Variants in RBMS3 observed in about 807,000 individuals in gnomAD.
The protein encoded by RBMS3 is RNA binding motif single stranded interacting protein 3, also known as RNA-binding motif, single-stranded-interacting protein 3.
RBMS3 carries 27 observed loss-of-function variants against 66.8 expected under a neutral mutation model. The ratio of observed to expected loss-of-function variants is 0.40; its 90% CI spans 0.30 to 0.56. RBMS3 has a LOEUF of 0.56. Among genes scored for constraint, RBMS3 ranks in the 20% least tolerant of loss-of-function variants. The pLI, the probability that RBMS3 is intolerant of heterozygous loss-of-function variation, is 0.40. For synonymous variants in RBMS3, 188 were observed against 183.0 expected (o/e 1.03, Z -0.22); for missense variants, 513 against 549.5 (o/e 0.93, Z 0.66).
chr3:29,607,252 T>C (rs1043487164), intron 4 of RBMS3, among the ~76,000 whole-genome samples: 4 of 152,104 alleles, frequency 2.6e-5, no homozygotes, highest in Middle Eastern at 3.4e-3. Context: ...CTTAGTCCCA[T>C]TGGGCTGTTA....
intron 4 of RBMS3, among the ~76,000 whole-genome samples, chr3:29,610,520 A>G (rs1190298480): frequency 2.0e-5 from 3 of 151,934 alleles, no homozygotes; most frequent in Non-Finnish European, 4.4e-5. Flanking sequence ...GCCTTCCTTG[A>G]TCCTTTCTAG....
intron 11 of RBMS3, among the ~76,000 whole-genome samples, chr3:29,943,916 A>G (rs2149703740): frequency 6.6e-6 from 1 of 151,812 alleles, no homozygotes; most frequent in East Asian, 2.0e-4. Context: ...AAAATTTTAT[A>G]TTGATTCCCT....
At chr3:29,358,741 C>T (rs1051595176) in intron 1 of RBMS3, among the ~76,000 whole-genome samples, 3 of 152,094 alleles carry the variant, frequency 2.0e-5, no homozygotes, top group African/African-American at 4.8e-5. Flanking sequence ...GTTTGTAGTT[C>T]TCCTTGAAGA....
At position 29,556,648 on chromosome 3, in the gene RBMS3, G is replaced by T. The variant is rs190167096; in HGVS notation, c.308-30466G>T. Among the ~76,000 whole-genome samples the T allele has an allele frequency of 1.5e-3, 230 of 152,138 alleles. 1 individual carries two copies. The highest frequency in any genetic ancestry group is 5.3e-3 in the African/African-American group (219 of 41,520). ...ATGAATGAACAAGGTATTTAGAGAA[G>T]ATACTCTCAGTGCTCTGCACAGATC... On this transcript the variant is annotated intron_variant, in intron 3 of 14. Transcript: ENST00000383767.
chr3:29,427,744 TG>T (rs1250320411), intron 1 of RBMS3, among the ~76,000 whole-genome samples: 1 of 151,974 alleles, frequency 6.6e-6, no homozygotes, highest in African/African-American at 2.4e-5. Context: ...AAAAACAAAC[TG>T]GGGAGACCAT....
chr3:29,362,358 C>T (rs372594068), intron 1 of RBMS3, among the ~76,000 whole-genome samples: 12 of 152,220 alleles, frequency 7.9e-5, no homozygotes, highest in African/African-American at 2.9e-4. Context: ...AGCTGCAGAA[C>T]AGCGAATATT....
intron 6 of RBMS3, among the ~76,000 whole-genome samples, chr3:29,829,864 A>C (rs979208094): frequency 5.3e-5 from 8 of 152,150 alleles, no homozygotes; most frequent in Non-Finnish European, 1.0e-4. Flanking sequence ...TTTACACTGC[A>C]TTGCAGTCCC....
chr3:29,371,313 A>G (rs1415720733), intron 1 of RBMS3, among the ~76,000 whole-genome samples: 2 of 152,238 alleles, frequency 1.3e-5, no homozygotes, highest in African/African-American at 4.8e-5. Flanking sequence ...CATCTTTGAA[A>G]CAGAAACAGA....
At chr3:29,435,203 T>G (rs1282946616) in intron 2 of RBMS3, among the ~76,000 whole-genome samples, 1 of 152,188 alleles carries the variant, frequency 6.6e-6, no homozygotes, top group East Asian at 1.9e-4. Context: ...AGTTACACTC[T>G]CAAACCATGT....
At chr3:29,441,915 T>G (rs941711666) in intron 2 of RBMS3, among the ~76,000 whole-genome samples, 7 of 152,198 alleles carry the variant, frequency 4.6e-5, no homozygotes, top group African/African-American at 1.7e-4. Context: ...GTGCTTTCAA[T>G]TATCCAGAAG....
At chr3:29,671,265 C>T (rs949640438) in intron 4 of RBMS3, among the ~76,000 whole-genome samples, 2 of 152,274 alleles carry the variant, frequency 1.3e-5, no homozygotes, top group South Asian at 2.1e-4. Context: ...ACACCAAAAC[C>T]CCACCTGTGG....
chr3:29,388,111 A>G (rs75481674), intron 1 of RBMS3, among the ~76,000 whole-genome samples: 11,326 of 140,064 alleles, frequency 0.081, 681 homozygotes, highest in Admixed American at 0.2. Context: ...ACACACACAC[A>G]TGTGTGTGTA....
rs180962306 is a variant in RBMS3, at chr3:29,512,443, A to G, written c.307+23944A>G. Among the ~76,000 whole-genome samples, 400 of 152,310 alleles carry G rather than the reference A, an allele frequency of 2.6e-3. 3 individuals carry two copies. The highest frequency in any genetic ancestry group is 4.9e-3 in the Non-Finnish European group (336 of 68,022). Reference sequence around the variant, plus strand: ...TGCATTAATCCTTCTTTAATTTAATAATTAAGATTTATAAGTATTCACAAA... The same window carrying G: ...TGCATTAATCCTTCTTTAATTTAATGATTAAGATTTATAAGTATTCACAAA... On this transcript the variant is annotated intron_variant, in intron 3 of 14. Transcript: ENST00000383767.
chr3:29,684,124 G>T (rs2051613235), intron 4 of RBMS3, among the ~76,000 whole-genome samples: 1 of 152,052 alleles, frequency 6.6e-6, no homozygotes, highest in African/African-American at 2.4e-5. Flanking sequence ...GCATTACAAA[G>T]AATTTTCTCA....
intron 5 of RBMS3, among the ~76,000 whole-genome samples, chr3:29,747,626 C>T (rs1029920027): frequency 3.9e-5 from 6 of 152,086 alleles, no homozygotes; most frequent in African/African-American, 1.4e-4. Flanking sequence ...AATCTGGGTT[C>T]TTTTCTCATG....
chr3:29,735,709 A>G (rs1034869892), intron 4 of RBMS3, among the ~76,000 whole-genome samples: 2 of 152,200 alleles, frequency 1.3e-5, no homozygotes, highest in Non-Finnish European at 2.9e-5. Flanking sequence ...TCTCTATAAT[A>G]TTCTTTTGAA....
intron 1 of RBMS3, among the ~76,000 whole-genome samples, chr3:29,291,328 A>C (rs1459285684): frequency 6.6e-6 from 1 of 151,926 alleles, no homozygotes; most frequent in Middle Eastern, 3.2e-3. Flanking sequence ...GTATTTTAGT[A>C]ATCCCAAATT....
chr3:29,549,711 T>G (rs142027183), intron 3 of RBMS3, among the ~76,000 whole-genome samples: 3 of 152,174 alleles, frequency 2.0e-5, no homozygotes, highest in Non-Finnish European at 4.4e-5. Flanking sequence ...TTTAAAAACA[T>G]TAACCAGAAA....
chr3:30,008,294 T>C lies in RBMS3; in HGVS notation c.*4432T>C, dbSNP rs1699857563. On this transcript the variant is annotated 3_prime_UTR_variant, in exon 15 of 15. Transcript: ENST00000383767. ...AATACATTTGGCAATTCATTTTCATTCTTAATTTGAGTGCATGAACCACTG... is the reference window on the plus strand; with the variant it reads ...AATACATTTGGCAATTCATTTTCATCCTTAATTTGAGTGCATGAACCACTG... The C allele has an allele frequency of 6.6e-6, 1 of 151,834 alleles. No individual in the cohort carries two copies. Among genetic ancestry groups the C allele is most frequent in the Non-Finnish European group, 1.5e-5 (1 of 67,950 alleles). 9.4% of individuals were successfully genotyped at this position (151,834 alleles called of 1,614,324 possible).
Sources: gnomAD v4.1 joint callset for allele counts (sites outside exome capture counted in the v4.1 genomes callset) on GRCh38, gnomAD v4.1.1 for gene constraint, MANE v1.5 for transcripts, NCBI Gene and HGNC (gene_info 2026-07-23, HGNC 2026-07-21) for gene names.